The following SSBP3 variants were observed in gnomAD, a reference collection of about 807,000 sequenced individuals.
SSBP3 encodes the protein single stranded DNA binding protein 3, also known as single-stranded DNA-binding protein 3.
Under a neutral mutation model 69.6 loss-of-function variants are expected in SSBP3, and 5 were observed. That is an observed-to-expected ratio of 0.07 (90% CI 0.04 to 0.15). The LOEUF is 0.15. SSBP3 is among the 10% of genes least tolerant of loss of function. SSBP3 has a pLI of 1.00. For missense variants in SSBP3, 312 were observed against 534.0 expected (o/e 0.58, Z 4.10); for synonymous variants, 196 against 193.4 (o/e 1.01, Z -0.11).
At chr1:54,238,516 G>A (rs1307467159) in intron 14 of SSBP3, 1 of 369,602 alleles carries the variant, frequency 2.7e-6, no homozygotes, top group Non-Finnish European at 5.6e-6. Context: ...GAGACAGGCT[G>A]CAGCTGACTA....
At chr1:54,228,416 G>A (rs1177085008) in intron 16 of SSBP3, 33 bp downstream of exon 16, 3 of 1,614,204 alleles carry the variant, frequency 1.9e-6, no homozygotes, top group South Asian at 2.2e-5. Flanking sequence ...CACACAGATG[G>A]GGCGCCGCCA....
chr1:54,234,859 G>GCT (rs1644458830), intron 14 of SSBP3, among the ~76,000 whole-genome samples: 1 of 151,878 alleles, frequency 6.6e-6, no homozygotes, highest in African/African-American at 2.4e-5. Flanking sequence ...AAATTCCTAA[G>GCT]CTCAAACAAT....
intron 4 of SSBP3, among the ~76,000 whole-genome samples, chr1:54,371,066 T>C (rs1316157729): frequency 1.3e-5 from 2 of 152,128 alleles, no homozygotes; most frequent in Non-Finnish European, 2.9e-5. Context: ...ACAAGACTGC[T>C]GCCAGAAGAC....
intron 4 of SSBP3, among the ~76,000 whole-genome samples, chr1:54,291,198 C>T (rs1436900679): frequency 6.6e-6 from 1 of 152,116 alleles, no homozygotes; most frequent in Non-Finnish European, 1.5e-5. Flanking sequence ...AAGGCAGGGC[C>T]CTCAGAACAT....
chr1:54,398,698 T>C (rs1649069027), intron 4 of SSBP3, among the ~76,000 whole-genome samples: 1 of 152,120 alleles, frequency 6.6e-6, no homozygotes, highest in South Asian at 2.1e-4. Context: ...AGCAAGGAAA[T>C]TACAATGGGA....
chr1:54,311,388 C>A (rs940625334), intron 4 of SSBP3, among the ~76,000 whole-genome samples: 4 of 152,212 alleles, frequency 2.6e-5, no homozygotes, highest in Non-Finnish European at 5.9e-5. Flanking sequence ...CCAAGCCCTA[C>A]TGGGCCCCCA....
chr1:54,236,042 G>C (rs143931081), intron 14 of SSBP3, among the ~76,000 whole-genome samples: 270 of 152,206 alleles, frequency 1.8e-3, no homozygotes, highest in African/African-American at 6.3e-3. Context: ...TAGGCTCCTC[G>C]GGGCTCCTTA....
intron 5 of SSBP3, among the ~76,000 whole-genome samples, chr1:54,265,711 A>G (rs937185075): frequency 6.6e-6 from 1 of 152,076 alleles, no homozygotes; most frequent in Non-Finnish European, 1.5e-5. Context: ...TCCCCTTCAT[A>G]CTCATCTCTG....
intron 5 of SSBP3, among the ~76,000 whole-genome samples, chr1:54,261,638 G>A (rs1645018888): frequency 1.3e-5 from 2 of 152,192 alleles, no homozygotes. Context: ...AAGCTTTTGA[G>A]GAACCCAAAA....
chr1:54,408,249 G>A (rs1649903488), upstream of SSBP3, among the ~76,000 whole-genome samples: 1 of 152,232 alleles, frequency 6.6e-6, no homozygotes, highest in Non-Finnish European at 1.5e-5. Flanking sequence ...GGGAAGCATG[G>A]AGGTTGGGAG....
chr1:54,288,169 G>A (rs1232957080), intron 4 of SSBP3, among the ~76,000 whole-genome samples: 1 of 152,164 alleles, frequency 6.6e-6, no homozygotes, highest in African/African-American at 2.4e-5. Flanking sequence ...AAAAAGGATT[G>A]CCATAGGACC....
intron 4 of SSBP3, among the ~76,000 whole-genome samples, chr1:54,373,769 G>GAAAA (rs567212062): frequency 9.6e-6 from 1 of 104,560 alleles, no homozygotes; most frequent in Admixed American, 1.0e-4. Flanking sequence ...CCTGTTTCAA[G>GAAAA]AAAAAAAAAA....
At chr1:54,336,950 G>T (rs959643845) in intron 4 of SSBP3, among the ~76,000 whole-genome samples, 1 of 152,190 alleles carries the variant, frequency 6.6e-6, no homozygotes, top group Non-Finnish European at 1.5e-5. Context: ...GGGAGGTCCC[G>T]CGCAGAATCT....
chr1:54,330,731 A>ACT (rs1427029814), intron 4 of SSBP3, among the ~76,000 whole-genome samples: 1 of 152,096 alleles, frequency 6.6e-6, no homozygotes, highest in African/African-American at 2.4e-5. Context: ...TCAGAGCCTA[A>ACT]CTCTCAAGGA....
chr1:54,370,646 G>C (rs1013952888), intron 4 of SSBP3, among the ~76,000 whole-genome samples: 2 of 152,112 alleles, frequency 1.3e-5, no homozygotes, highest in African/African-American at 4.8e-5. Context: ...ACTGCCCCAG[G>C]ACTGCTAGAG....
chr1:54,378,754 G>C (rs1258687325), intron 4 of SSBP3, among the ~76,000 whole-genome samples: 1 of 152,114 alleles, frequency 6.6e-6, no homozygotes, highest in Non-Finnish European at 1.5e-5. Context: ...TGGCCGGCGG[G>C]CACAAAGGAA....
chr1:54,248,964 C>T (rs1446997492), intron 9 of SSBP3, among the ~76,000 whole-genome samples: 1 of 152,192 alleles, frequency 6.6e-6, no homozygotes. Flanking sequence ...CTCTCTCCCT[C>T]CCGCTGGAGA....
chr1:54,355,096 T>C (rs1646842551), intron 4 of SSBP3, among the ~76,000 whole-genome samples: 1 of 152,188 alleles, frequency 6.6e-6, no homozygotes, highest in Non-Finnish European at 1.5e-5. Context: ...AATGGGAGGC[T>C]CTCAGGCCAG....
intron 5 of SSBP3, among the ~76,000 whole-genome samples, chr1:54,276,687 G>A (rs958292816): frequency 2.7e-5 from 4 of 146,522 alleles, no homozygotes; most frequent in Admixed American, 6.8e-5. Flanking sequence ...CCGTCTCCAC[G>A]AAGCCACTGG....
Sources: gnomAD v4.1 joint callset for allele counts (sites outside exome capture counted in the v4.1 genomes callset) on GRCh38, gnomAD v4.1.1 for gene constraint, MANE v1.5 for transcripts, NCBI Gene and HGNC (gene_info 2026-07-23, HGNC 2026-07-21) for gene names.